Variants in PIK3R5 observed in about 807,000 individuals in gnomAD.
PIK3R5 encodes the protein phosphoinositide-3-kinase regulatory subunit 5.
In PIK3R5, 32 loss-of-function variants were observed where a neutral mutation model predicts 94.9. That is an observed-to-expected ratio of 0.34 (90% confidence interval 0.25 to 0.45). The LOEUF (loss-of-function observed/expected upper bound fraction) is 0.45. Ranked by LOEUF, PIK3R5 falls within the 20% of genes least tolerant of loss-of-function variation. The pLI is 1.00. For synonymous variants in PIK3R5, 443 were observed against 479.4 expected, an observed-to-expected ratio of 0.92 and a Z score of 0.99; for missense variants, 853 against 1,144.6, an observed-to-expected ratio of 0.75 and a Z score of 3.68.
rs2151353049 is a variant in PIK3R5, at chr17:8,884,686, G to A, written c.2205+21C>T. 1.9e-6 allele frequency: 3 copies of A among 1,590,250 alleles called. No individual in the cohort carries two copies. Among genetic ancestry groups the A allele is most frequent in the Non-Finnish European group, 2.6e-6 (3 of 1,158,936 alleles). ...TCAGCAGCAGATCCTGGAGGGGAAG[G>A]AGCCCCAGCACGGGTCTTACCTTGC... On this transcript the variant is annotated intron_variant, in intron 15 of 18. Coordinates refer to ENST00000447110, the MANE Select transcript of PIK3R5 (RefSeq NM_001142633.3). This position sits in a 1 kb window ranked among gnomAD's most constrained non-coding sequence, Gnocchi z 5.8.
At chr17:8,954,979 C>T (rs1460115489) in intron 1 of PIK3R5, among the ~76,000 whole-genome samples, 1 of 150,734 alleles carries the variant, frequency 6.6e-6, no homozygotes, top group Non-Finnish European at 1.5e-5. Flanking sequence ...AGAGGGTTCT[C>T]AGCACCTGGA....
chr17:8,909,534 G>A lies in PIK3R5; in HGVS notation c.104-360C>T, dbSNP rs761462401. On this transcript the variant is annotated intron_variant, in intron 2 of 18. Coordinates refer to ENST00000447110, the MANE Select transcript of PIK3R5 (RefSeq NM_001142633.3). The surrounding 1 kb of genome is among the most constrained non-coding windows in gnomAD (Gnocchi z 4.3). ...GATCTCCTGACCTCGTGATCCGCCCGCCTCGGACTCCCAAAGTGCTGGGAT... is the reference window on the plus strand; with the variant it reads ...GATCTCCTGACCTCGTGATCCGCCCACCTCGGACTCCCAAAGTGCTGGGAT... Among the ~76,000 whole-genome samples, 14 of 152,144 alleles carry A rather than the reference G, an allele frequency of 9.2e-5. No homozygotes were observed. Among genetic ancestry groups the A allele is most frequent in the Admixed American group, 5.2e-4 (8 of 15,274 alleles).
chr17:8,909,233 A>G lies in PIK3R5; in HGVS notation c.104-59T>C. 2 of 1,029,116 alleles carry G rather than the reference A, an allele frequency of 1.9e-6. No individual in the cohort carries two copies. Among genetic ancestry groups the G allele is most frequent in the South Asian group, 2.7e-5 (2 of 73,688 alleles). 63.7% of individuals were successfully genotyped at this position (1,029,116 alleles called of 1,614,324 possible). ...TGGTGTCTTCCAGTCACACTCAGGC[A>G]GGGGCTGTAAAGAAGGGGCATTTAT... On this transcript the variant is annotated intron_variant, in intron 2 of 18. Transcript: ENST00000447110. The surrounding 1 kb of genome is among the most constrained non-coding windows in gnomAD (Gnocchi z 4.3).
intron 1 of PIK3R5, among the ~76,000 whole-genome samples, chr17:8,912,745 T>G (rs1343745002): frequency 6.6e-6 from 1 of 152,304 alleles, no homozygotes; most frequent in African/African-American, 2.4e-5. Context: ...AATCCTAACC[T>G]GGGTTCAGCT....
intron 1 of PIK3R5, among the ~76,000 whole-genome samples, chr17:8,919,982 G>A (rs924068682): frequency 2.1e-5 from 3 of 143,040 alleles, no homozygotes; most frequent in Non-Finnish European, 3.0e-5. Flanking sequence ...CTCAGCCTCC[G>A]AGGTTCAAGG....
At position 8,925,455 on chromosome 17, in the gene PIK3R5, ATAG is replaced by A. The variant is rs74527009; in HGVS notation, c.-13-13951_-13-13949del. On this transcript the variant is annotated intron_variant, in intron 1 of 18. Coordinates refer to ENST00000447110, the MANE Select transcript of PIK3R5 (RefSeq NM_001142633.3). The surrounding 1 kb of genome is among the most constrained non-coding windows in gnomAD (Gnocchi z 5.1). The stretch of plus-strand genomic sequence containing the variant: ...GGAGAGATAGATAGTAGATGGATAG[ATAG>A]TAGATGGATGATAGATAGATAGTAG... Among the ~76,000 whole-genome samples, 39,388 of 149,414 alleles carry A rather than the reference ATAG, an allele frequency of 0.26. 5,869 individuals carry two copies. The highest frequency in any genetic ancestry group is 0.34 in the Non-Finnish European group (22,859 of 66,752).
intron 1 of PIK3R5, among the ~76,000 whole-genome samples, chr17:8,930,348 G>A (rs946094552): frequency 2.0e-5 from 3 of 152,052 alleles, no homozygotes; most frequent in Non-Finnish European, 4.4e-5. Context: ...TAATTCATGG[G>A]CCAAAGAGGA....
chr17:8,958,202 T>G (rs2091495424), intron 1 of PIK3R5, among the ~76,000 whole-genome samples: 1 of 150,980 alleles, frequency 6.6e-6, no homozygotes, highest in Non-Finnish European at 1.5e-5. Context: ...TCCCAGGTAC[T>G]CAGGGGCTGA....
At position 8,879,518 on chromosome 17, in the gene PIK3R5, G is replaced by A. The variant is rs61761140; in HGVS notation, c.*1121C>T. On this transcript the variant is annotated 3_prime_UTR_variant, in exon 19 of 19. Coordinates refer to ENST00000447110, the MANE Select transcript of PIK3R5 (RefSeq NM_001142633.3). The surrounding 1 kb of genome is among the most constrained non-coding windows in gnomAD (Gnocchi z 4.4). ...CTTGCGGATATGGAAGATTGTACAC[G>A]CAGAGTGAGATGGGAGTGGGAGGGC... 2,560 of 152,326 alleles carry A rather than the reference G, an allele frequency of 0.017. 66 individuals carry two copies. The highest frequency in any genetic ancestry group is 0.056 in the African/African-American group (2,323 of 41,534). The allele number at this position is 152,326 out of a possible 1,614,324, so 9.4% of individuals were successfully genotyped here. A position where few individuals can be genotyped will look rare whatever the true frequency, so the allele number is the denominator to read the frequency against.
chr17:8,902,422 T>G (rs895909310), intron 5 of PIK3R5, among the ~76,000 whole-genome samples: 1 of 151,796 alleles, frequency 6.6e-6, no homozygotes, highest in African/African-American at 2.4e-5. Context: ...GCCCAAATAA[T>G]TTTTGTATTT....
chr17:8,886,715 AG>A (rs2089867809), intron 12 of PIK3R5, 110 bp from the exon 13 acceptor site: 2 of 1,269,502 alleles, frequency 1.6e-6, no homozygotes, highest in Non-Finnish European at 2.2e-6. Flanking sequence ...GCAGCCAGTC[AG>A]GGGGAGCTGG....
At chr17:8,883,524 C>T (rs1426643679) in intron 15 of PIK3R5, among the ~76,000 whole-genome samples, 7 of 152,230 alleles carry the variant, frequency 4.6e-5, no homozygotes, top group Non-Finnish European at 8.8e-5. Flanking sequence ...TCAAGGTGTT[C>T]ACACTGCCTC....
intron 1 of PIK3R5, among the ~76,000 whole-genome samples, chr17:8,928,977 A>G (rs1025697622): frequency 4.6e-5 from 7 of 152,300 alleles, no homozygotes; most frequent in African/African-American, 1.4e-4. Flanking sequence ...TTATAAATGG[A>G]GGCAGGTAAA....
Position 8,887,264 on chromosome 17 carries a change from G to T in PIK3R5, c.1780-43C>A. On this transcript the variant is annotated intron_variant, in intron 11 of 18. Transcript: ENST00000447110. ...AGTCATCATCCCAGCTCCCCAGGAG[G>T]CCTGCCCATCCTAGCTCCAGGGCCT... The T allele has an allele frequency of 1.9e-6, 3 of 1,609,978 alleles. No homozygotes were observed. In the East Asian group the frequency reaches 6.7e-5, roughly 36 times the overall value.
At chr17:8,919,147 A>G (rs1451593908) in intron 1 of PIK3R5, among the ~76,000 whole-genome samples, 1 of 152,224 alleles carries the variant, frequency 6.6e-6, no homozygotes, top group Non-Finnish European at 1.5e-5. Flanking sequence ...TGTAGAACAG[A>G]AAGAGAACAT....
chr17:8,953,514 C>T (rs1407640786), intron 1 of PIK3R5, among the ~76,000 whole-genome samples: 2 of 152,308 alleles, frequency 1.3e-5, no homozygotes, highest in East Asian at 3.9e-4. Context: ...GACCCACAGG[C>T]TAATGTGTTG....
Position 8,911,649 on chromosome 17 carries a change from G to A in PIK3R5, c.-13-142C>T, listed in dbSNP as rs2090527404. 3.3e-6 allele frequency: 2 copies of A among 602,310 alleles called. No homozygotes were observed. The allele number at this position is 602,310 out of a possible 1,614,324, so 37.3% of individuals were successfully genotyped here. A position where few individuals can be genotyped will look rare whatever the true frequency, so the allele number is the denominator to read the frequency against. On this transcript the variant is annotated intron_variant, in intron 1 of 18. Transcript: ENST00000447110. This position sits in a 1 kb window ranked among gnomAD's most constrained non-coding sequence, Gnocchi z 5.3. ...TCAGGTGCTGTGGAAACAGGACCAG[G>A]GGCCTTACAGCTGCCTCCAGGGTAG...
intron 1 of PIK3R5, among the ~76,000 whole-genome samples, chr17:8,946,648 C>T (rs896552796): frequency 1.3e-5 from 2 of 152,122 alleles, no homozygotes; most frequent in Admixed American, 6.5e-5. Flanking sequence ...ATACACTGCA[C>T]TTCATTTCAA....
chr17:8,960,838 G>C (rs978037849), intron 1 of PIK3R5, among the ~76,000 whole-genome samples: 2 of 152,006 alleles, frequency 1.3e-5, no homozygotes, highest in African/African-American at 4.8e-5. Context: ...ACTCCCTCCG[G>C]GCCCCACCCC....
Sources: allele counts gnomAD v4.1 joint callset (sites outside exome capture counted in the v4.1 genomes callset), GRCh38; gene constraint gnomAD v4.1.1; non-coding constraint Gnocchi (gnomAD v3.1); transcripts MANE v1.5; gene names NCBI Gene and HGNC (gene_info 2026-07-23, HGNC 2026-07-21).